Variants in HDAC9 observed in about 807,000 individuals in gnomAD.
HDAC9 encodes the protein MEF-2 interacting transcription repressor (MITR) protein.
Under a neutral mutation model 139.4 loss-of-function variants are expected in HDAC9, and 41 were observed. That is an observed-to-expected ratio of 0.29 (90% CI 0.23 to 0.38). The LOEUF is 0.38. Among genes scored for constraint, HDAC9 ranks in the 10% least tolerant of loss-of-function variants. The pLI, the probability that HDAC9 is intolerant of heterozygous loss-of-function variation, is 1.00. For synonymous variants in HDAC9, 517 were observed against 476.2 expected (o/e 1.09, Z -1.12); for missense variants, 1,147 against 1,297.0 (o/e 0.88, Z 1.78).
At chr7:18,916,971 A>G (rs554093070) in intron 22 of HDAC9, among the ~76,000 whole-genome samples, 2 of 152,092 alleles carry the variant, frequency 1.3e-5, no homozygotes, top group Admixed American at 1.3e-4. Flanking sequence ...GGCTTTCCTG[A>G]GTATTGCTGG....
At chr7:18,614,926 G>A (rs1838169096) in intron 6 of HDAC9, among the ~76,000 whole-genome samples, 1 of 152,192 alleles carries the variant, frequency 6.6e-6, no homozygotes, top group Non-Finnish European at 1.5e-5. Flanking sequence ...TAAACTTGCT[G>A]TTGATTTTCT....
chr7:18,292,858 A>G (rs1387483644), intron 1 of HDAC9, among the ~76,000 whole-genome samples: 1 of 152,272 alleles, frequency 6.6e-6, no homozygotes, highest in East Asian at 1.9e-4. Context: ...AGAAACCTGG[A>G]ATTGACTTGA....
intron 1 of HDAC9, among the ~76,000 whole-genome samples, chr7:18,318,995 A>T (rs1418528913): frequency 6.6e-6 from 1 of 152,202 alleles, no homozygotes; most frequent in South Asian, 2.1e-4. Flanking sequence ...CCTCAGTCAG[A>T]ATCTGCATTT....
At chr7:18,750,146 A>G (rs1368552775) in intron 14 of HDAC9, among the ~76,000 whole-genome samples, 1 of 152,218 alleles carries the variant, frequency 6.6e-6, no homozygotes, top group Non-Finnish European at 1.5e-5. Context: ...CCTACGTATG[A>G]TAGTGTGAGT....
rs531871054 is a variant in HDAC9 at position 18,455,692 on chromosome 7, C to T, written c.-41-40570C>T. Among the ~76,000 whole-genome samples the T allele has an allele frequency of 2.6e-4, 39 of 152,132 alleles. 1 individual carries two copies. Among genetic ancestry groups the T allele is most frequent in the Non-Finnish European group, 4.7e-4 (32 of 68,020 alleles). On this transcript the variant is annotated intron_variant, in intron 1 of 3. Coordinates refer to the HDAC9 transcript ENST00000413509. Reference sequence around the variant, plus strand: ...GGATGTAGCCAACCATCTAATTACACCAATAGATTCACAGCACAGTTGGGT... The same window carrying T: ...GGATGTAGCCAACCATCTAATTACATCAATAGATTCACAGCACAGTTGGGT...
chr7:18,336,736 T>C (rs959455391), intron 1 of HDAC9, among the ~76,000 whole-genome samples: 1 of 151,642 alleles, frequency 6.6e-6, no homozygotes, highest in Non-Finnish European at 1.5e-5. Context: ...ATTCCTTGTC[T>C]ATATTCTTTT....
intron 16 of HDAC9, among the ~76,000 whole-genome samples, chr7:18,781,939 A>G (rs1216606976): frequency 6.6e-6 from 1 of 152,140 alleles, no homozygotes; most frequent in Non-Finnish European, 1.5e-5. Flanking sequence ...TGCAAAAGTT[A>G]AAATGATTTT....
intron 1 of HDAC9, among the ~76,000 whole-genome samples, chr7:18,319,298 T>G (rs1346278205): frequency 2.0e-5 from 3 of 152,234 alleles, no homozygotes; most frequent in African/African-American, 7.2e-5. Flanking sequence ...TTTAGTTATC[T>G]CCTTCTTTTT....
At position 18,878,566 on chromosome 7, in the gene HDAC9, A is replaced by G. The variant is rs1416614941; in HGVS notation, c.2803+3970A>G. ...CAGAGCTAAAGACAAAAAACACATGAGTATCTCAATAGACATAGAAAAGGC... is the reference window on the plus strand; with the variant it reads ...CAGAGCTAAAGACAAAAAACACATGGGTATCTCAATAGACATAGAAAAGGC... On this transcript the variant is annotated intron_variant, in intron 22 of 25. Transcript: ENST00000686413. Among the ~76,000 whole-genome samples, 3 of 152,306 alleles carry G rather than the reference A, an allele frequency of 2.0e-5. No homozygotes were observed. In the East Asian group the frequency reaches 5.8e-4, roughly 29 times the overall value.
intron 1 of HDAC9, among the ~76,000 whole-genome samples, chr7:18,396,382 G>C (rs1013555986): frequency 2.0e-5 from 3 of 152,102 alleles, no homozygotes; most frequent in Non-Finnish European, 4.4e-5. Context: ...GCTGTAGAAG[G>C]GTGGAGGGAT....
At chr7:18,956,916 G>A (rs921884434) in intron 24 of HDAC9, among the ~76,000 whole-genome samples, 1 of 152,146 alleles carries the variant, frequency 6.6e-6, no homozygotes, top group African/African-American at 2.4e-5. Context: ...GGCTCTTGGT[G>A]TTGCTGCCTA....
rs2526630 is a variant in HDAC9, at chr7:18,996,955, T to C, written c.*893T>C. ...ACTTTTCAAAGGTGGTCTTAATTTG[T>C]TGCATATCTATCAAGGACTTATTCA... On this transcript the variant is annotated 3_prime_UTR_variant, in exon 26 of 26. Coordinates refer to ENST00000686413, the MANE Select transcript of HDAC9 (RefSeq NM_178425.4). The C allele has an allele frequency of 0.44, 67,006 of 152,012 alleles. 15,790 individuals are homozygous for C. The highest frequency in any genetic ancestry group is 0.54 in the Non-Finnish European group (36,656 of 67,946). 9.4% of individuals were successfully genotyped at this position (152,012 alleles called of 1,614,324 possible).
intron 2 of HDAC9, among the ~76,000 whole-genome samples, chr7:18,507,448 C>G (rs542760215): frequency 5.3e-5 from 8 of 152,034 alleles, no homozygotes; most frequent in Middle Eastern, 6.8e-3. Flanking sequence ...CCGCCTCGGC[C>G]TCCCAAAGTG....
At chr7:18,403,528 T>G (rs1787736755) in intron 1 of HDAC9, among the ~76,000 whole-genome samples, 1 of 152,240 alleles carries the variant, frequency 6.6e-6, no homozygotes, top group African/African-American at 2.4e-5. Flanking sequence ...CATCAGAGTC[T>G]AGCACAGTGC....
intron 14 of HDAC9, 65 bp from the exon 15 acceptor site, chr7:18,762,092 T>C (rs533392408): frequency 1.3e-6 from 2 of 1,556,640 alleles, no homozygotes; most frequent in African/African-American, 2.7e-5. Flanking sequence ...AAATGTGACT[T>C]GGGGTCTCAT....
At chr7:18,319,917 A>G (rs1391778322) in intron 1 of HDAC9, among the ~76,000 whole-genome samples, 1 of 152,150 alleles carries the variant, frequency 6.6e-6, no homozygotes, top group Non-Finnish European at 1.5e-5. Flanking sequence ...TTTTTCACAT[A>G]TAGAATCTAT....
intron 1 of HDAC9, among the ~76,000 whole-genome samples, chr7:18,459,458 A>G (rs1007498498): frequency 4.6e-5 from 7 of 151,932 alleles, no homozygotes; most frequent in African/African-American, 1.7e-4. Flanking sequence ...CAGATGCTTT[A>G]TTTTTCTAGT....
chr7:18,516,682 CA>C (rs758443584), intron 2 of HDAC9, among the ~76,000 whole-genome samples: 5 of 151,856 alleles, frequency 3.3e-5, no homozygotes, highest in African/African-American at 7.3e-5. Context: ...CCAACATGGC[CA>C]AACCCTGTCT....
chr7:18,238,888 T>C (rs567810921), intron 2 of HDAC9, among the ~76,000 whole-genome samples: 2 of 152,332 alleles, frequency 1.3e-5, no homozygotes, highest in South Asian at 4.1e-4. Flanking sequence ...TGGAACAGAC[T>C]CCAGAGGCAA....
Sources: allele counts gnomAD v4.1 joint callset (sites outside exome capture counted in the v4.1 genomes callset), GRCh38; gene constraint gnomAD v4.1.1; transcripts MANE v1.5; gene names NCBI Gene and HGNC (gene_info 2026-07-23, HGNC 2026-07-21).